The following SDK1 variants were observed in gnomAD, a reference collection of about 807,000 sequenced individuals.
The protein encoded by SDK1 is sidekick cell adhesion molecule 1.
In SDK1, 157 loss-of-function variants were observed where a neutral mutation model predicts 245.5. The ratio of observed to expected loss-of-function variants is 0.64; its 90% CI spans 0.56 to 0.73. The LOEUF (loss-of-function observed/expected upper bound fraction) is 0.73, where lower values mean the gene tolerates loss of function less well. SDK1 is among the 30% of genes least tolerant of loss of function. The probability of loss-of-function intolerance (pLI) is 0.00; values close to 1 mark genes in which losing one functional copy is unlikely to be tolerated. For missense variants in SDK1, 3,583 were observed against 3,002.3 expected, an observed-to-expected ratio of 1.19 and a Z score of -4.52; for synonymous variants, 1,647 against 1,278.5, an observed-to-expected ratio of 1.29 and a Z score of -6.15.
At chr7:3,580,504 T>G (rs1780444518) in intron 1 of SDK1, among the ~76,000 whole-genome samples, 1 of 152,102 alleles carries the variant, frequency 6.6e-6, no homozygotes, top group African/African-American at 2.4e-5. Flanking sequence ...CCTAGAACCA[T>G]CTGATCTTTG....
intron 22 of SDK1, among the ~76,000 whole-genome samples, chr7:4,096,980 C>T (rs556036247): frequency 6.6e-6 from 1 of 152,210 alleles, no homozygotes; most frequent in Admixed American, 6.5e-5. Context: ...TCACAGTGCA[C>T]TCGAGCAGAA....
intron 1 of SDK1, among the ~76,000 whole-genome samples, chr7:3,595,124 C>T (rs1460176683): frequency 6.6e-6 from 1 of 152,134 alleles, no homozygotes; most frequent in African/African-American, 2.4e-5. Flanking sequence ...AGCCAATTTT[C>T]TCCCGATTAC....
chr7:3,840,676 G>A lies in SDK1; in HGVS notation c.847+19093G>A, dbSNP rs114351450. On this transcript the variant is annotated intron_variant, in intron 5 of 44. Transcript: ENST00000404826. Reference sequence around the variant, plus strand: ...AGGTGATGCTGATACTGCGGTTCACGGACAACTCTGGTCACGGACTACGCT... The same window carrying A: ...AGGTGATGCTGATACTGCGGTTCACAGACAACTCTGGTCACGGACTACGCT... Among the ~76,000 whole-genome samples the A allele has an allele frequency of 9.3e-3, 1,412 of 152,334 alleles. 23 individuals carry two copies. The highest frequency in any genetic ancestry group is 0.032 in the African/African-American group (1,344 of 41,568).
chr7:4,039,302 TAAA>T (rs11450665), intron 17 of SDK1, among the ~76,000 whole-genome samples: 1 of 148,642 alleles, frequency 6.7e-6, no homozygotes, highest in Non-Finnish European at 1.5e-5. Flanking sequence ...TAAAGTATAA[TAAA>T]AAAAAAAGTT....
In SDK1 at chr7:3,696,209, A is replaced by AC. The variant is rs1157913253; in HGVS notation, c.713+54105dup. On this transcript the variant is annotated intron_variant, in intron 4 of 44. Transcript: ENST00000404826. ...TTATTGCCACTCTCTCCACTGTGAG[A>AC]CTCCCCTAAGCTCCCACCACTCACT... 3.3e-5 allele frequency among the ~76,000 whole-genome samples: 5 copies of AC among 151,350 alleles called. No individual in the cohort carries two copies. The East Asian group carries it at 7.8e-4, about 24-fold the overall frequency.
intron 1 of SDK1, among the ~76,000 whole-genome samples, chr7:3,440,107 C>G (rs1448864188): frequency 6.6e-6 from 1 of 152,066 alleles, no homozygotes; most frequent in Admixed American, 6.6e-5. Context: ...AAATGGAAAT[C>G]CGGAAGTAAA....
intron 1 of SDK1, among the ~76,000 whole-genome samples, chr7:3,548,267 T>C (rs1370715096): frequency 6.6e-6 from 1 of 152,180 alleles, no homozygotes; most frequent in African/African-American, 2.4e-5. Flanking sequence ...TAACTGATTA[T>C]ACATCTGGAA....
intron 5 of SDK1, among the ~76,000 whole-genome samples, chr7:3,924,995 G>T (rs1779717789): frequency 6.6e-6 from 1 of 152,154 alleles, no homozygotes. Context: ...TCTGGGACCT[G>T]CAAGGTCCAG....
rs762630504 is a variant in SDK1 at position 3,423,918 on chromosome 7, ATT to A, written c.298+122049_298+122050del. 1.0e-3 allele frequency among the ~76,000 whole-genome samples: 151 copies of A among 145,114 alleles called. 2 individuals are homozygous for A. Among genetic ancestry groups the A allele is most frequent in the African/African-American group, 3.7e-3 (144 of 39,080 alleles). On this transcript the variant is annotated intron_variant, in intron 1 of 44. Coordinates refer to ENST00000404826, the MANE Select transcript of SDK1 (RefSeq NM_152744.4). ...AAATGGTTCTTGGCAAACACATACT[ATT>A]TTTTTTTTTTTTTTGAGATGAGTCT...
At chr7:4,197,605 G>A (rs1056858066) in intron 35 of SDK1, among the ~76,000 whole-genome samples, 8 of 152,220 alleles carry the variant, frequency 5.3e-5, no homozygotes, top group South Asian at 2.1e-4. Flanking sequence ...AACCCCATCC[G>A]CAGCTTCTGT....
intron 5 of SDK1, among the ~76,000 whole-genome samples, chr7:3,931,319 C>A (rs922578747): frequency 1.3e-5 from 2 of 152,152 alleles, no homozygotes; most frequent in African/African-American, 4.8e-5. Flanking sequence ...CTCACATATT[C>A]CTACCCTAAG....
chr7:3,444,217 T>G (rs939812211), intron 1 of SDK1, among the ~76,000 whole-genome samples: 1 of 152,216 alleles, frequency 6.6e-6, no homozygotes, highest in Non-Finnish European at 1.5e-5. Context: ...TTGGCCTTCT[T>G]CTTTGGGTGG....
intron 1 of SDK1, among the ~76,000 whole-genome samples, chr7:3,396,933 C>T (rs1233888799): frequency 6.6e-6 from 1 of 151,626 alleles, no homozygotes; most frequent in Non-Finnish European, 1.5e-5. Context: ...TTTGTTCCTT[C>T]ATTCCTCCAT....
intron 20 of SDK1, among the ~76,000 whole-genome samples, chr7:4,070,185 T>C (rs1298879971): frequency 6.6e-6 from 1 of 152,210 alleles, no homozygotes; most frequent in African/African-American, 2.4e-5. Context: ...TTGCATTTCT[T>C]TTTTCAGTGA....
chr7:4,095,807 C>T (rs1422465129), intron 22 of SDK1, among the ~76,000 whole-genome samples: 3 of 152,212 alleles, frequency 2.0e-5, no homozygotes, highest in African/African-American at 7.2e-5. Context: ...CTTTTGACCT[C>T]AGGTGATCTG....
At chr7:3,630,017 C>A (rs1583247036) in intron 2 of SDK1, among the ~76,000 whole-genome samples, 1 of 152,076 alleles carries the variant, frequency 6.6e-6, no homozygotes, top group African/African-American at 2.4e-5. Context: ...ATGGGACCAT[C>A]AGGAAACTAG....
intron 4 of SDK1, among the ~76,000 whole-genome samples, chr7:3,798,429 T>G (rs62437945): frequency 0.15 from 22,079 of 151,918 alleles, 1,772 homozygotes; most frequent in Middle Eastern, 0.33. Context: ...GTGTTAGCCA[T>G]GATGGTCTTG....
intron 1 of SDK1, among the ~76,000 whole-genome samples, chr7:3,459,116 T>C (rs1210747834): frequency 6.6e-6 from 1 of 152,210 alleles, no homozygotes; most frequent in Non-Finnish European, 1.5e-5. Context: ...CATTATAGTA[T>C]TGTATCTTCT....
intron 1 of SDK1, among the ~76,000 whole-genome samples, chr7:3,519,998 T>C (rs1336060677): frequency 6.6e-6 from 1 of 152,228 alleles, no homozygotes; most frequent in Non-Finnish European, 1.5e-5. Flanking sequence ...TTTTCTATTT[T>C]ACAGTGCTTT....
Sources: gnomAD v4.1 joint callset for allele counts (sites outside exome capture counted in the v4.1 genomes callset) on GRCh38, gnomAD v4.1.1 for gene constraint, MANE v1.5 for transcripts, NCBI Gene and HGNC (gene_info 2026-07-23, HGNC 2026-07-21) for gene names.